The following NBEA variants were observed in gnomAD, a reference collection of about 807,000 sequenced individuals.
NBEA encodes the protein lysosomal-trafficking regulator 2.
NBEA carries 44 observed loss-of-function variants against 343.4 expected under a neutral mutation model. The ratio of observed to expected loss-of-function variants is 0.13; its 90% CI spans 0.10 to 0.16. NBEA has a LOEUF of 0.16. NBEA is among the 10% of genes least tolerant of loss of function. NBEA has a pLI of 1.00. For synonymous variants in NBEA, 1,175 were observed against 1,238.7 expected (o/e 0.95, Z 1.08); for missense variants, 2,555 against 3,631.3 (o/e 0.70, Z 7.62).
At chr13:35,644,507 A>T (rs2084124587) in intron 49 of NBEA, among the ~76,000 whole-genome samples, 1 of 152,224 alleles carries the variant, frequency 6.6e-6, no homozygotes, top group Admixed American at 6.5e-5. Flanking sequence ...AAGGCTCCCT[A>T]CTAAGTGCAA....
chr13:35,256,107 C>A (rs1226798719), intron 34 of NBEA, among the ~76,000 whole-genome samples: 1 of 152,184 alleles, frequency 6.6e-6, no homozygotes, highest in Non-Finnish European at 1.5e-5. Flanking sequence ...CTCCTATCTG[C>A]AGGCAGGTTG....
intron 49 of NBEA, among the ~76,000 whole-genome samples, chr13:35,636,391 G>A (rs991371703): frequency 8.5e-5 from 13 of 152,162 alleles, no homozygotes; most frequent in Middle Eastern, 6.8e-3. Context: ...TGCTGAATAC[G>A]TCCAATAATA....
chr13:35,270,609 T>C (rs893796203), intron 34 of NBEA, among the ~76,000 whole-genome samples: 5 of 152,130 alleles, frequency 3.3e-5, no homozygotes, highest in African/African-American at 4.8e-5. Flanking sequence ...CCTGGAGGAA[T>C]GGTACACGCC....
In NBEA at chr13:35,616,914, C is replaced by T. The variant is rs138353498; in HGVS notation, c.7449+10336C>T. Among the ~76,000 whole-genome samples, 355 of 152,270 alleles carry T rather than the reference C, an allele frequency of 2.3e-3. 2 individuals are homozygous for T. Among genetic ancestry groups the T allele is most frequent in the African/African-American group, 8.2e-3 (341 of 41,566 alleles). ...CAAAGTGTGCTTCTTTAAAATAAGC[C>T]TCACGGTGTAGCATCCCTGTAAATA... On this transcript the variant is annotated intron_variant, in intron 48 of 58. Coordinates refer to ENST00000379939, the MANE Select transcript of NBEA (RefSeq NM_001385012.1).
chr13:35,230,996 G>A (rs2074941180), intron 33 of NBEA, among the ~76,000 whole-genome samples: 1 of 151,978 alleles, frequency 6.6e-6, no homozygotes. Context: ...CCTTGCTTTA[G>A]GAATTACAGA....
intron 1 of NBEA, among the ~76,000 whole-genome samples, chr13:34,976,044 A>G (rs2060162872): frequency 6.6e-6 from 1 of 152,214 alleles, no homozygotes; most frequent in Non-Finnish European, 1.5e-5. Flanking sequence ...AAGTAGATCT[A>G]CCCTTTGATC....
At chr13:35,259,192 C>A (rs1372928231) in intron 34 of NBEA, among the ~76,000 whole-genome samples, 2 of 152,034 alleles carry the variant, frequency 1.3e-5, no homozygotes, top group Admixed American at 6.6e-5. Flanking sequence ...GTTCTTGAAA[C>A]CTTTGTTTTG....
chr13:35,602,019 T>C (rs887805293), intron 47 of NBEA, among the ~76,000 whole-genome samples: 3 of 152,090 alleles, frequency 2.0e-5, no homozygotes, highest in African/African-American at 4.8e-5. Context: ...AAAATATATG[T>C]AAAGCACTTA....
Position 35,544,305 on chromosome 13 carries a change from T to A in NBEA, c.6586-6172T>A, listed in dbSNP as rs544882451. ...TTTTTTCGTATTCAAAGAAAAAAAA[T>A]TTGTAATACTTGTGCTAATATATGC... On this transcript the variant is annotated intron_variant, in intron 41 of 58. Coordinates refer to ENST00000379939, the MANE Select transcript of NBEA (RefSeq NM_001385012.1). Among the ~76,000 whole-genome samples the A allele has an allele frequency of 3.9e-5, 6 of 152,266 alleles. No homozygotes were observed. The East Asian group carries it at 5.8e-4, about 15-fold the overall frequency.
chr13:35,304,478 C>A (rs1405346744), intron 35 of NBEA, among the ~76,000 whole-genome samples: 1 of 151,948 alleles, frequency 6.6e-6, no homozygotes, highest in Non-Finnish European at 1.5e-5. Context: ...CTCAGCCTCC[C>A]GAGTAGCTGG....
At chr13:35,375,108 T>A (rs908408748) in intron 38 of NBEA, among the ~76,000 whole-genome samples, 3 of 152,160 alleles carry the variant, frequency 2.0e-5, no homozygotes, top group African/African-American at 7.2e-5. Context: ...CTGCTTTTCA[T>A]CTCTCAGTAT....
chr13:35,221,770 A>G (rs1393040727), intron 33 of NBEA, among the ~76,000 whole-genome samples: 3 of 152,114 alleles, frequency 2.0e-5, no homozygotes, highest in East Asian at 1.9e-4. Context: ...AGATAAACCT[A>G]TAGAACCTTA....
intron 40 of NBEA, among the ~76,000 whole-genome samples, chr13:35,472,146 T>C (rs2075679144): frequency 2.0e-5 from 3 of 152,210 alleles, no homozygotes; most frequent in African/African-American, 7.2e-5. Flanking sequence ...GTAGGATTTC[T>C]AGGTGGAAAT....
chr13:35,410,060 A>G (rs913579964), intron 38 of NBEA, among the ~76,000 whole-genome samples: 1 of 152,078 alleles, frequency 6.6e-6, no homozygotes, highest in East Asian at 1.9e-4. Flanking sequence ...GTTGAATCCA[A>G]AATGTTTCAG....
chr13:35,126,843 G>A (rs376349027), intron 17 of NBEA, among the ~76,000 whole-genome samples: 70 of 151,742 alleles, frequency 4.6e-4, no homozygotes, highest in African/African-American at 1.6e-3. Context: ...GCTTCAACCC[G>A]GGAGGTGGAG....
At chr13:34,969,697 T>C (rs2059938738) in intron 1 of NBEA, among the ~76,000 whole-genome samples, 1 of 152,140 alleles carries the variant, frequency 6.6e-6, no homozygotes, top group South Asian at 2.1e-4. Flanking sequence ...TCCAGCTCCA[T>C]CTATGTGTCT....
At chr13:35,599,272 A>C (rs928870018) in intron 47 of NBEA, among the ~76,000 whole-genome samples, 4 of 152,154 alleles carry the variant, frequency 2.6e-5, no homozygotes, top group African/African-American at 9.7e-5. Context: ...TTGAGGATTC[A>C]GTTTCTGTTT....
At chr13:35,234,728 A>G (rs185085107) in intron 34 of NBEA, among the ~76,000 whole-genome samples, 116 of 152,166 alleles carry the variant, frequency 7.6e-4, no homozygotes, top group Non-Finnish European at 9.0e-4. Flanking sequence ...CCCTGCTTCT[A>G]CCTAACTCCT....
intron 34 of NBEA, among the ~76,000 whole-genome samples, chr13:35,246,575 C>T (rs903610105): frequency 6.6e-5 from 10 of 152,124 alleles, no homozygotes; most frequent in African/African-American, 2.4e-4. Context: ...AGCCACCCAT[C>T]AGGGCTTCCA....
Sources: gnomAD v4.1 joint callset for allele counts (sites outside exome capture counted in the v4.1 genomes callset) on GRCh38, gnomAD v4.1.1 for gene constraint, MANE v1.5 for transcripts, NCBI Gene and HGNC (gene_info 2026-07-23, HGNC 2026-07-21) for gene names.